FAM151A: variants seen among roughly 807,000 people sequenced by gnomAD.
FAM151A encodes the protein protein FAM151A.
Under a neutral mutation model 40.4 loss-of-function variants are expected in FAM151A, and 41 were observed. The observed-to-expected ratio is 1.01, with a 90% CI of 0.79 to 1.32. The LOEUF is 1.32. Ranked by LOEUF, FAM151A falls within the 40% of genes most tolerant of loss-of-function variation. The pLI is 0.00. For synonymous variants in FAM151A, 337 were observed against 312.5 expected (o/e 1.08, Z -0.83); for missense variants, 740 against 740.4 (o/e 1.00, Z 0.01).
intron 1 of FAM151A, among the ~76,000 whole-genome samples, chr1:54,622,671 C>G (rs571668867): frequency 2.0e-5 from 3 of 151,598 alleles, no homozygotes; most frequent in Non-Finnish European, 2.9e-5. Context: ...TCCAGGAGGC[C>G]GAGGCTGCAG....
chr1:54,609,394 A>T lies in FAM151A; in HGVS notation c.1632T>A (p.Ala544=). The part of the protein sequence containing the change: ...RATVTVEHNP[A]GGDYASVRTA... ...TCCTCACAGAGGCATAGTCGCCCCC[A>T]GCTGGGTTGTGCTCCACTGTGACGG... is the stretch of plus-strand genomic sequence containing the variant. Residue 544 remains alanine, a synonymous_variant, in exon 8 of 8, where the codon GCT becomes GCA. Transcript: ENST00000302250. The T allele has an allele frequency of 6.2e-7, 1 of 1,614,078 alleles. No individual in the cohort carries two copies. The highest frequency in any genetic ancestry group is 8.5e-7 in the Non-Finnish European group (1 of 1,180,024).
Position 54,609,566 on chromosome 1 carries a change from C to G in FAM151A, c.1460G>C (p.Ser487Thr), listed in dbSNP as rs1431825610. The stretch of plus-strand genomic sequence containing the variant: ...TGTGAGCAGCTGTTCCCTGTAGCCA[C>G]TGCCCAGCACCTCCTCAGGCCAGCC... ...APGWPEEVLG[S>T]GYREQLLTDM... Residue 487 changes from serine (S) to threonine (T), a missense_variant, in exon 8 of 8, where the codon AGT (serine) becomes ACT (threonine). Coordinates refer to ENST00000302250, the MANE Select transcript of FAM151A (RefSeq NM_176782.3). 1 of 1,612,924 alleles carries G rather than the reference C, an allele frequency of 6.2e-7. No homozygotes were observed. Among genetic ancestry groups the G allele is most frequent in the East Asian group, 2.2e-5 (1 of 44,884 alleles).
chr1:54,612,431 T>C (rs1166804547), intron 5 of FAM151A, 55 bp downstream of exon 5: 2 of 1,316,290 alleles, frequency 1.5e-6, no homozygotes, highest in Non-Finnish European at 2.2e-6. Context: ...TTCTGGGATC[T>C]TGCTGGGGGC....
Position 54,609,524 on chromosome 1 carries a change from C to A in FAM151A, c.1502G>T (p.Cys501Phe). The change falls in exon 8 of 8, where the codon TGC becomes TTC. Residue 501 changes from cysteine to phenylalanine, a missense_variant. Physicochemically the swap from Cys to Phe is radical, Grantham distance 205. Coordinates refer to ENST00000302250, the MANE Select transcript of FAM151A (RefSeq NM_176782.3). ...GGACACAGGTTGCCAGAGCCCCTGG[C>A]ACAACTCTAGCATATCTGTGAGCAG... ...EQLLTDMLEL[C>F]QGLWQPVSFQ... The A allele has an allele frequency of 6.2e-7, 1 of 1,613,046 alleles. No homozygotes were observed. Among genetic ancestry groups the A allele is most frequent in the African/African-American group, 1.3e-5 (1 of 75,082 alleles).
intron 4 of FAM151A, 109 bp downstream of exon 4, chr1:54,614,591 A>G (rs1458789612): frequency 8.9e-7 from 1 of 1,129,542 alleles, no homozygotes; most frequent in East Asian, 2.5e-5. Context: ...GTGAGGCTAT[A>G]TATAGTATGA....
intron 2 of FAM151A, among the ~76,000 whole-genome samples, chr1:54,618,218 C>T (rs1438165811): frequency 8.5e-5 from 13 of 152,150 alleles, no homozygotes; most frequent in Non-Finnish European, 1.8e-4. Flanking sequence ...AAAATCACCT[C>T]CTCAGCCGGG....
chr1:54,611,846 G>T, intron 5 of FAM151A, 101 bp from the exon 6 acceptor site: 1 of 1,427,462 alleles, frequency 7.0e-7, no homozygotes, highest in Non-Finnish European at 9.6e-7. Context: ...GCAGGGTAGA[G>T]CATCTGTCCT....
At chr1:54,616,657 GC>G (rs1557672362) in intron 2 of FAM151A, among the ~76,000 whole-genome samples, 3 of 152,170 alleles carry the variant, frequency 2.0e-5, no homozygotes, top group Non-Finnish European at 4.4e-5. Context: ...ACAGGCGTGA[GC>G]CACCGTGCCC....
In FAM151A at chr1:54,611,651, A is replaced by C. The variant is rs758700038; in HGVS notation, c.895T>G (p.Tyr299Asp). 2 of 1,614,056 alleles carry C rather than the reference A, an allele frequency of 1.2e-6. No individual in the cohort carries two copies. Among genetic ancestry groups the C allele is most frequent in the East Asian group, 2.2e-5 (1 of 44,852 alleles). Reference sequence around the variant, plus strand: ...GACAGGAGAGGCTCAAAGATGTCATAGTAGACTTGGTGGACAGCAGTGTTA... The same window carrying C: ...GACAGGAGAGGCTCAAAGATGTCATCGTAGACTTGGTGGACAGCAGTGTTA... ...RDNTAVHQVY[Y>D]DIFEPLLSQF... The change falls in exon 6 of 8, where the codon TAT becomes GAT. Residue 299 changes from tyrosine to aspartate, a missense_variant. Transcript: ENST00000302250.
chr1:54,612,846 C>G (rs922393251), intron 4 of FAM151A, 136 bp from the exon 5 acceptor site: 3 of 658,194 alleles, frequency 4.6e-6, no homozygotes, highest in Non-Finnish European at 7.8e-6. Flanking sequence ...TCCCAAAGGA[C>G]AGAATGGCTT....
chr1:54,620,873 A>AAAAAAAAAAAAAG (rs1644223252), intron 1 of FAM151A, among the ~76,000 whole-genome samples: 1 of 142,784 alleles, frequency 7.0e-6, no homozygotes, highest in Non-Finnish European at 1.5e-5. Context: ...AAAAAAAAAA[A>AAAAAAAAAAAAAG]AAAAGGCTGG....
chr1:54,618,632 A>T (rs1644198764), intron 2 of FAM151A, among the ~76,000 whole-genome samples: 1 of 152,096 alleles, frequency 6.6e-6, no homozygotes, highest in South Asian at 2.1e-4. Flanking sequence ...AGAGGAAAGG[A>T]TTTGTTTCCT....
intron 1 of FAM151A, among the ~76,000 whole-genome samples, chr1:54,622,275 CAAAAAAAAAAA>C (rs34730286): frequency 1.7e-4 from 8 of 45,934 alleles, no homozygotes; most frequent in African/African-American, 7.2e-4. Context: ...GACTCTGTCT[CAAAAAAAAAAA>C]AAAAAAAAAA....
intron 6 of FAM151A, chr1:54,610,781 G>A: frequency 2.0e-6 from 2 of 984,560 alleles, no homozygotes; most frequent in Non-Finnish European, 2.4e-6. Flanking sequence ...ATGGGACCAG[G>A]TCTGCCTGGC....
intron 4 of FAM151A, among the ~76,000 whole-genome samples, chr1:54,614,393 C>G (rs973555239): frequency 6.7e-6 from 1 of 150,300 alleles, no homozygotes; most frequent in African/African-American, 2.4e-5. Flanking sequence ...TATGAACACC[C>G]AGTGACAGCC....
chr1:54,612,461 TGGG>T, intron 5 of FAM151A, 22 bp downstream of exon 5: 1 of 1,508,126 alleles, frequency 6.6e-7, no homozygotes, highest in South Asian at 1.1e-5. Flanking sequence ...TCCAGGAGGG[TGGG>T]GGTGGGTTTG....
Position 54,611,698 on chromosome 1 carries a change from T to C in FAM151A, c.848A>G (p.Glu283Gly). The C allele has an allele frequency of 6.2e-7, 1 of 1,614,084 alleles. No individual in the cohort carries two copies. The highest frequency in any genetic ancestry group is 1.1e-5 in the South Asian group (1 of 91,076). ...WQAASDPMSV[E>G]DLLYVRDNTA... Reference sequence around the variant, plus strand: ...GTTATCCCGGACGTAGAGCAGATCTTCCACCGACATGGGGTCCGAGGCAGC... The same window carrying C: ...GTTATCCCGGACGTAGAGCAGATCTCCCACCGACATGGGGTCCGAGGCAGC... The change falls in exon 6 of 8, where the codon GAA becomes GGA. Residue 283 changes from glutamate to glycine, a missense_variant. Physicochemically the swap from Glu to Gly is moderately conservative, Grantham distance 98. Coordinates refer to ENST00000302250, the MANE Select transcript of FAM151A (RefSeq NM_176782.3).
intron 3 of FAM151A, 71 bp downstream of exon 3, chr1:54,615,949 G>A: frequency 6.6e-7 from 1 of 1,521,066 alleles, no homozygotes; most frequent in East Asian, 2.3e-5. Context: ...TTCCCAGTGA[G>A]GGATCTCTGC....
intron 5 of FAM151A, among the ~76,000 whole-genome samples, chr1:54,612,080 G>A (rs1569782482): frequency 6.7e-6 from 1 of 148,436 alleles, no homozygotes; most frequent in East Asian, 2.0e-4. Context: ...GGGGGAGGGG[G>A]CAGCTTTGGG....
Sources: gnomAD v4.1 joint callset for allele counts (sites outside exome capture counted in the v4.1 genomes callset) on GRCh38, gnomAD v4.1.1 for gene constraint, MANE v1.5 for transcripts, NCBI Gene and HGNC (gene_info 2026-07-23, HGNC 2026-07-21) for gene names.